PRKD1: variants seen among roughly 807,000 people sequenced by gnomAD.
The protein encoded by PRKD1 is serine/threonine-protein kinase D1.
A neutral mutation model predicts 95.9 loss-of-function variants in PRKD1; 63 were observed. That is an observed-to-expected ratio of 0.66 (90% CI 0.54 to 0.81). The LOEUF (loss-of-function observed/expected upper bound fraction) is 0.81. PRKD1 is among the 30% of genes least tolerant of loss of function. The pLI, the probability that PRKD1 is intolerant of heterozygous loss-of-function variation, is 0.00. For missense variants in PRKD1, 1,048 were observed against 1,165.3 expected, an observed-to-expected ratio of 0.90 and a Z score of 1.47; for synonymous variants, 425 against 423.1, an observed-to-expected ratio of 1.00 and a Z score of -0.05.
In PRKD1 at chr14:29,927,552, G is replaced by A. The variant is rs1185952517; in HGVS notation, c.-40C>T. ...CAGGGCCGGGCAGCGGAGGGCGGGG[G>A]CTGGCGGCGCGGCAGCAGGAAAGTT... On this transcript the variant is annotated 5_prime_UTR_variant, in exon 1 of 18. Transcript: ENST00000331968. The A allele has an allele frequency of 4.4e-6, 5 of 1,131,236 alleles. No homozygotes were observed. The highest frequency in any genetic ancestry group is 3.2e-6 in the Non-Finnish European group (3 of 924,042). The allele number at this position is 1,131,236 out of a possible 1,614,324, so 70.1% of individuals were successfully genotyped here.
At chr14:29,773,526 G>A (rs927579299) in intron 1 of PRKD1, among the ~76,000 whole-genome samples, 7 of 150,830 alleles carry the variant, frequency 4.6e-5, no homozygotes, top group Non-Finnish European at 1.0e-4. Context: ...ATACACATAT[G>A]ACTCTACATG....
chr14:29,911,946 A>G (rs980309859), intron 1 of PRKD1, among the ~76,000 whole-genome samples: 2 of 152,110 alleles, frequency 1.3e-5, no homozygotes, highest in Non-Finnish European at 2.9e-5. Flanking sequence ...CTCCTACTAC[A>G]TGACTCTACC....
At chr14:29,872,441 T>TACCTTGGGTGGAC (rs1893141241) in intron 1 of PRKD1, among the ~76,000 whole-genome samples, 11 of 151,878 alleles carry the variant, frequency 7.2e-5, no homozygotes, top group Admixed American at 6.6e-4. Flanking sequence ...GGTGGGTGGA[T>TACCTTGGGTGGAC]CACGAGTCAG....
At chr14:29,710,265 G>A (rs1885275901) in intron 2 of PRKD1, among the ~76,000 whole-genome samples, 1 of 151,956 alleles carries the variant, frequency 6.6e-6, no homozygotes, top group South Asian at 2.1e-4. Flanking sequence ...TGACAGAGTT[G>A]GGCAAAGGAA....
At chr14:29,769,886 C>G (rs905734938) in intron 1 of PRKD1, among the ~76,000 whole-genome samples, 1 of 152,144 alleles carries the variant, frequency 6.6e-6, no homozygotes, top group Non-Finnish European at 1.5e-5. Flanking sequence ...CTGCTATGAT[C>G]TAAACGTCTA....
At chr14:29,599,394 CA>C (rs1284363400) in intron 14 of PRKD1, among the ~76,000 whole-genome samples, 2 of 152,074 alleles carry the variant, frequency 1.3e-5, no homozygotes, top group Admixed American at 1.3e-4. Context: ...CTCAAAGAAC[CA>C]AAACTAAACC....
chr14:29,594,650 G>T (rs767837868), intron 16 of PRKD1, among the ~76,000 whole-genome samples: 126 of 152,096 alleles, frequency 8.3e-4, no homozygotes, highest in Non-Finnish European at 1.7e-3. Context: ...AGGTGCTTGG[G>T]TTTTTATTTC....
intron 2 of PRKD1, among the ~76,000 whole-genome samples, chr14:29,667,684 T>C (rs1293760288): frequency 6.6e-6 from 1 of 152,184 alleles, no homozygotes; most frequent in Non-Finnish European, 1.5e-5. Flanking sequence ...GAAAACTTTA[T>C]GTCAATTCTT....
intron 1 of PRKD1, among the ~76,000 whole-genome samples, chr14:29,899,971 T>G (rs1479033869): frequency 6.6e-6 from 1 of 152,236 alleles, no homozygotes; most frequent in Non-Finnish European, 1.5e-5. Flanking sequence ...CAGTTTCTCC[T>G]GAGCTTGAGC....
chr14:29,763,369 GGGAA>G (rs1288135748), intron 1 of PRKD1, among the ~76,000 whole-genome samples: 4 of 126,414 alleles, frequency 3.2e-5, no homozygotes, highest in Admixed American at 8.0e-5. Flanking sequence ...GAAGGAAGGA[GGGAA>G]GGAAGGAAGG....
intron 1 of PRKD1, among the ~76,000 whole-genome samples, chr14:29,768,310 T>A (rs2139131609): frequency 6.6e-6 from 1 of 152,366 alleles, no homozygotes; most frequent in East Asian, 1.9e-4. Flanking sequence ...TCAAGTTAAC[T>A]ATTTAACAAG....
intron 2 of PRKD1, among the ~76,000 whole-genome samples, chr14:29,721,439 T>C (rs956627341): frequency 6.6e-6 from 1 of 152,196 alleles, no homozygotes; most frequent in African/African-American, 2.4e-5. Flanking sequence ...ACCTACAAGA[T>C]ACACACACAT....
At chr14:29,844,677 A>G (rs945471807) in intron 1 of PRKD1, among the ~76,000 whole-genome samples, 3 of 152,212 alleles carry the variant, frequency 2.0e-5, no homozygotes, top group African/African-American at 4.8e-5. Flanking sequence ...ATTTAGCAGG[A>G]TAACAGATGA....
rs531571816 is a variant in PRKD1 at position 29,776,720 on chromosome 14, G to T, written c.265-51046C>A. On this transcript the variant is annotated intron_variant, in intron 1 of 17. Transcript: ENST00000331968. ...ATGGAACCAAGTTGGAAAACACTCT[G>T]TAGGATATTATCCAGGAGAACTTCC... is the stretch of plus-strand genomic sequence containing the variant. Among the ~76,000 whole-genome samples the T allele has an allele frequency of 1.8e-4, 27 of 152,286 alleles. 1 individual carries two copies. Among genetic ancestry groups the T allele is most frequent in the Admixed American group, 1.0e-3 (16 of 15,296 alleles).
intron 1 of PRKD1, among the ~76,000 whole-genome samples, chr14:29,882,029 A>G (rs1460282875): frequency 4.6e-5 from 7 of 152,202 alleles, no homozygotes; most frequent in Non-Finnish European, 1.0e-4. Flanking sequence ...AATTGATTTC[A>G]GACTCCTTAA....
At chr14:29,911,157 G>A (rs894136231) in intron 1 of PRKD1, among the ~76,000 whole-genome samples, 2 of 152,204 alleles carry the variant, frequency 1.3e-5, no homozygotes, top group East Asian at 1.9e-4. Flanking sequence ...TATTAGGTGT[G>A]TAAGAACTAC....
intron 2 of PRKD1, among the ~76,000 whole-genome samples, chr14:29,674,677 T>C (rs893622968): frequency 2.6e-5 from 4 of 152,218 alleles, no homozygotes; most frequent in African/African-American, 9.6e-5. Context: ...TACAGGAGGC[T>C]TTATACCTTT....
intron 1 of PRKD1, among the ~76,000 whole-genome samples, chr14:29,887,946 A>G (rs774412158): frequency 2.6e-5 from 4 of 152,230 alleles, no homozygotes; most frequent in African/African-American, 7.2e-5. Flanking sequence ...TGCATTACTG[A>G]GCAAAGGAAT....
chr14:29,910,503 C>G (rs949411231), intron 1 of PRKD1, among the ~76,000 whole-genome samples: 2 of 152,176 alleles, frequency 1.3e-5, no homozygotes, highest in African/African-American at 4.8e-5. Flanking sequence ...GCCCTAGAGA[C>G]TGCCAACATT....
Sources: gnomAD v4.1 joint callset for allele counts (sites outside exome capture counted in the v4.1 genomes callset) on GRCh38, gnomAD v4.1.1 for gene constraint, MANE v1.5 for transcripts, NCBI Gene and HGNC (gene_info 2026-07-23, HGNC 2026-07-21) for gene names.